REPS2: variants seen among roughly 807,000 people sequenced by gnomAD.
REPS2 encodes RALBP1 associated Eps domain containing 2, also known as ralBP1-associated Eps domain-containing protein 2.
In REPS2, 23 loss-of-function variants were observed where a neutral mutation model predicts 53.6. The observed-to-expected ratio is 0.43, with a 90% CI of 0.31 to 0.61. REPS2 has a LOEUF of 0.61. Ranked by LOEUF, REPS2 falls within the 20% of genes least tolerant of loss-of-function variation. The probability of loss-of-function intolerance (pLI) is 0.11; values close to 1 mark genes in which losing one functional copy is unlikely to be tolerated. For synonymous variants in REPS2, 238 were observed against 218.6 expected, an observed-to-expected ratio of 1.09 and a Z score of -0.78; for missense variants, 446 against 534.9, an observed-to-expected ratio of 0.83 and a Z score of 1.64.
chrX:17,027,436 G>A (rs112288158), intron 4 of REPS2, among the ~76,000 whole-genome samples: 8 of 111,891 alleles, frequency 7.1e-5, no homozygotes, highest in African/African-American at 2.6e-4. Context: ...ATGCATCACA[G>A]TTCGACGATC....
At chrX:17,022,416 C>G in intron 3 of REPS2, 145 bp downstream of exon 3, 1 of 514,952 alleles carries the variant, frequency 1.9e-6, no homozygotes. Flanking sequence ...AAAGTTTTCT[C>G]CTAGCAAGAA....
intron 5 of REPS2, among the ~76,000 whole-genome samples, chrX:17,045,095 A>T (rs953065025): frequency 5.7e-5 from 6 of 106,104 alleles, no homozygotes; most frequent in African/African-American, 2.0e-4. Flanking sequence ...ACACCTGGCT[A>T]ATTTTTTGTA....
chrX:17,016,949 A>C (rs1290510945), intron 2 of REPS2, among the ~76,000 whole-genome samples: 1 of 110,146 alleles, frequency 9.1e-6, no homozygotes, highest in Non-Finnish European at 1.9e-5. Context: ...AACAACCCAA[A>C]TGTTTATCAC....
rs778594430 is a variant in REPS2, at chrX:17,102,028, TTTATGTTATGTTATGTTATG to T, written c.1517-1655_1517-1636del. The stretch of plus-strand genomic sequence containing the variant: ...TTTGCGTAGATTTATTTTATTTTAT[TTTATGTTATGTTATGTTATG>T]TTATGTTATGTTATGTTATGTTATG... On this transcript the variant is annotated intron_variant, in intron 13 of 17. Transcript: ENST00000357277. Among the ~76,000 whole-genome samples the T allele has an allele frequency of 1.4e-4, 13 of 95,296 alleles. No homozygotes were observed. In the South Asian group the frequency reaches 6.2e-3, roughly 46 times the overall value. 82.8% of individuals were successfully genotyped at this position (95,296 alleles called of 115,157 possible).
chrX:16,946,859 C>G lies in REPS2; in HGVS notation c.-3C>G. ...GGCTCCGCCGCGCCCCCTTGCTGGCCCCATGGAGGCGGCAGCGGCGGCGGC... is the reference window on the plus strand; with the variant it reads ...GGCTCCGCCGCGCCCCCTTGCTGGCGCCATGGAGGCGGCAGCGGCGGCGGC... On this transcript the variant is annotated 5_prime_UTR_variant, in exon 1 of 18. Transcript: ENST00000357277. The G allele has an allele frequency of 1.3e-6, 1 of 758,608 alleles. No individual in the cohort carries two copies. The highest frequency in any genetic ancestry group is 1.5e-6 in the Non-Finnish European group (1 of 646,185). 62.5% of individuals were successfully genotyped at this position (758,608 alleles called of 1,213,427 possible). A position where few individuals can be genotyped will look rare whatever the true frequency, so the allele number is the denominator to read the frequency against.
intron 17 of REPS2, among the ~76,000 whole-genome samples, chrX:17,139,711 G>T (rs920766007): frequency 2.7e-5 from 3 of 110,903 alleles, no homozygotes; most frequent in Non-Finnish European, 3.8e-5. Flanking sequence ...GATGTTGCTG[G>T]CAGCCCTGGG....
At chrX:17,165,048 AC>A in the REPS2 span, among the ~76,000 whole-genome samples, 783 of 94,146 alleles carry the variant, frequency 8.3e-3, 9 homozygotes, top group African/African-American at 0.032. Flanking sequence ...CACCACCACC[AC>A]CACACACACA....
intron 13 of REPS2, among the ~76,000 whole-genome samples, chrX:17,087,692 TG>T (rs1398781106): frequency 9.0e-6 from 1 of 111,546 alleles, no homozygotes; most frequent in African/African-American, 3.3e-5. Flanking sequence ...CTCAGCACCC[TG>T]GGAGGCCGAG....
the REPS2 span, among the ~76,000 whole-genome samples, chrX:17,174,037 T>TAA: frequency 9.8e-6 from 1 of 102,023 alleles, no homozygotes; most frequent in African/African-American, 3.6e-5. Flanking sequence ...TCAAATGAAT[T>TAA]AAAAAAAAAA....
intron 3 of REPS2, 139 bp downstream of exon 3, chrX:17,022,410 T>C: frequency 1.8e-6 from 1 of 542,621 alleles, no homozygotes. Context: ...GCCAGTAAAG[T>C]TTTCTCCTAG....
intron 1 of REPS2, among the ~76,000 whole-genome samples, chrX:16,965,469 C>T (rs1294510879): frequency 6.5e-5 from 7 of 108,256 alleles, no homozygotes; most frequent in African/African-American, 1.3e-4. Context: ...ACTTCTCAGA[C>T]GGGGCAGCTG....
At chrX:17,102,996 A>G (rs1306427232) in intron 13 of REPS2, among the ~76,000 whole-genome samples, 1 of 112,225 alleles carries the variant, frequency 8.9e-6, no homozygotes, top group Non-Finnish European at 1.9e-5. Flanking sequence ...GTTTATTTTC[A>G]TTGCTAAGGT....
chrX:17,045,411 A>G (rs895358401), intron 5 of REPS2, among the ~76,000 whole-genome samples: 1 of 110,686 alleles, frequency 9.0e-6, no homozygotes, highest in African/African-American at 3.3e-5. Flanking sequence ...TAGCTCGGAA[A>G]AAGGATAATA....
At chrX:17,129,232 A>G (rs763371281) in intron 14 of REPS2, among the ~76,000 whole-genome samples, 74 of 112,353 alleles carry the variant, frequency 6.6e-4, no homozygotes, top group Non-Finnish European at 1.2e-3. Context: ...AAGAAATAGC[A>G]AAGAAACCTC....
intron 1 of REPS2, among the ~76,000 whole-genome samples, chrX:16,961,113 A>G (rs2060656393): frequency 8.9e-6 from 1 of 111,954 alleles, no homozygotes; most frequent in South Asian, 3.7e-4. Flanking sequence ...TAAAATTCAT[A>G]TGGTGTGACA....
chrX:17,014,198 A>G (rs2061461920), intron 2 of REPS2, among the ~76,000 whole-genome samples: 1 of 111,757 alleles, frequency 8.9e-6, no homozygotes, highest in Admixed American at 9.5e-5. Flanking sequence ...TGGGATGGAT[A>G]TAGAGGAGGT....
intron 12 of REPS2, 117 bp from the exon 13 acceptor site, chrX:17,077,154 G>T: frequency 1.3e-6 from 1 of 758,202 alleles, no homozygotes; most frequent in Non-Finnish European, 1.9e-6. Flanking sequence ...TGGCTGCTTT[G>T]GTAGCTCATC....
rs990017477 is a variant in REPS2, at chrX:17,150,631, A to G, written c.*3150A>G. The stretch of plus-strand genomic sequence containing the variant: ...GCATGATTGGGAGAGGAGGCAGCTT[A>G]GCTGGAAGCTGTGCCCATCTTACTG... On this transcript the variant is annotated 3_prime_UTR_variant, in exon 18 of 18. Transcript: ENST00000357277. 4 of 112,683 alleles carry G rather than the reference A, an allele frequency of 3.5e-5. No individual in the cohort carries two copies. Among genetic ancestry groups the G allele is most frequent in the Non-Finnish European group, 7.5e-5 (4 of 53,377 alleles). 9.3% of individuals were successfully genotyped at this position (112,683 alleles called of 1,213,427 possible).
chrX:17,055,099 C>T, intron 8 of REPS2, 149 bp downstream of exon 8: 2 of 507,702 alleles, frequency 3.9e-6, no homozygotes, highest in Non-Finnish European at 6.0e-6. Flanking sequence ...CTCTGATGGC[C>T]AGTGATGATG....
Sources: gnomAD v4.1 joint callset for allele counts (sites outside exome capture counted in the v4.1 genomes callset) on GRCh38, gnomAD v4.1.1 for gene constraint, MANE v1.5 for transcripts, NCBI Gene and HGNC (gene_info 2026-07-23, HGNC 2026-07-21) for gene names.